Variants in ABCC2 observed in about 807,000 individuals in gnomAD.
The protein encoded by ABCC2 is ATP-binding cassette sub-family C member 2.
ABCC2 carries 157 observed loss-of-function variants against 173.4 expected under a neutral mutation model. The ratio of observed to expected loss-of-function variants is 0.91; its 90% CI spans 0.80 to 1.03. The LOEUF (loss-of-function observed/expected upper bound fraction) is 1.03, where lower values mean the gene tolerates loss of function less well. Among genes scored for constraint, ABCC2 ranks in the 50% least tolerant of loss-of-function variants. The probability of loss-of-function intolerance (pLI) is 0.00; values close to 1 mark genes in which losing one functional copy is unlikely to be tolerated. For missense variants in ABCC2, 1,822 were observed against 1,852.3 expected (o/e 0.98, Z 0.30); for synonymous variants, 657 against 693.5 (o/e 0.95, Z 0.83).
At chr10:99,850,977 A>T (rs1371054940) in intron 31 of ABCC2, among the ~76,000 whole-genome samples, 181 bp downstream of exon 31, 3 of 152,242 alleles carry the variant, frequency 2.0e-5, no homozygotes, top group African/African-American at 7.2e-5. Context: ...AATGAAAACG[A>T]ACAAGGTTAA....
intron 5 of ABCC2, 93 bp from the exon 6 acceptor site, chr10:99,794,320 A>C: frequency 6.7e-6 from 8 of 1,190,310 alleles, no homozygotes; most frequent in Non-Finnish European, 8.7e-6. Context: ...CTAGCACAAC[A>C]TTATATCATT....
At chr10:99,814,088 T>TAC (rs113348442) in intron 16 of ABCC2, among the ~76,000 whole-genome samples, 21,109 of 96,374 alleles carry the variant, frequency 0.22, 4,292 homozygotes, top group Middle Eastern at 0.38. Context: ...TATGTGTATA[T>TAC]ACACATATAT....
In ABCC2 at chr10:99,793,958, C is replaced by G; in HGVS notation, c.535C>G (p.Leu179Val). 1.2e-6 allele frequency: 2 copies of G among 1,613,694 alleles called. No homozygotes were observed. The highest frequency in any genetic ancestry group is 1.7e-6 in the Non-Finnish European group (2 of 1,179,780). Residue 179 changes from leucine to valine, a missense_variant, in exon 5 of 32, where the codon CTG (leucine) becomes GTG (valine). Coordinates refer to ENST00000647814, the MANE Select transcript of ABCC2 (RefSeq NM_000392.5). ...FISYGFQILI[L>V]IFSAFSENNE... ...CTCCTACGGATTCCAGATCCTGATC[C>G]TGATCTTTTCAGCATTTTCAGAAAA...
Position 99,814,620 on chromosome 10 carries a change from T to TACACACACATATATGTGTATATACAC in ABCC2, c.2094+1477_2094+1478insCACACACATATATGTGTATATACACA, listed in dbSNP as rs1243887576. Reference sequence around the variant, plus strand: ...ACACACACATATGTGTATATACACATATACACACATATGTGTATATACACA... The same window carrying TACACACACATATATGTGTATATACAC: ...ACACACACATATGTGTATATACACATACACACACATATATGTGTATATACACATACACACATATGTGTATATACACA... On this transcript the variant is annotated intron_variant, in intron 16 of 31. Coordinates refer to ENST00000647814, the MANE Select transcript of ABCC2 (RefSeq NM_000392.5). 2.0e-5 allele frequency among the ~76,000 whole-genome samples: 2 copies of TACACACACATATATGTGTATATACAC among 99,572 alleles called. 1 individual carries two copies. Among genetic ancestry groups the TACACACACATATATGTGTATATACAC allele is most frequent in the African/African-American group, 9.1e-5 (2 of 22,026 alleles). 65.3% of individuals were successfully genotyped at this position (99,572 alleles called of 152,430 possible). A position where few individuals can be genotyped will look rare whatever the true frequency, so the allele number is the denominator to read the frequency against.
At chr10:99,820,995 C>T (rs2038527005) in intron 19 of ABCC2, among the ~76,000 whole-genome samples, 1 of 152,092 alleles carries the variant, frequency 6.6e-6, no homozygotes, top group Non-Finnish European at 1.5e-5. Flanking sequence ...ATTGATCATT[C>T]GTGGGTGTTT....
In ABCC2 at chr10:99,846,961, G is replaced by A; in HGVS notation, c.4147G>A (p.Asp1383Asn). 6.2e-7 allele frequency: 1 copy of A among 1,614,098 alleles called. No homozygotes were observed. Among genetic ancestry groups the A allele is most frequent in the Non-Finnish European group, 8.5e-7 (1 of 1,180,010 alleles). The change falls in exon 30 of 32, where the codon GAC (aspartate) becomes AAC (asparagine). Residue 1383 changes from aspartate (D) to asparagine (N), a missense_variant and splice_region_variant. Physicochemically the swap from Asp to Asn is conservative, Grantham distance 23. Transcript: ENST00000647814. ...LREKLTIIPQ[D>N]PILFSGSLRM... is the part of the protein sequence containing the mutation. ...AGCCCCCTTGTCCTTTCACTTGCAG[G>A]ACCCCATCCTGTTCTCTGGAAGCCT... is the stretch of plus-strand genomic sequence containing the variant.
At chr10:99,801,577 AT>A (rs1292464402) in intron 9 of ABCC2, among the ~76,000 whole-genome samples, 2 of 152,192 alleles carry the variant, frequency 1.3e-5, no homozygotes, top group Admixed American at 1.3e-4. Context: ...AGGAAACTGT[AT>A]GTTCCTCATG....
At chr10:99,833,539 A>T (rs531480813) in intron 23 of ABCC2, among the ~76,000 whole-genome samples, 1 of 152,152 alleles carries the variant, frequency 6.6e-6, no homozygotes, top group African/African-American at 2.4e-5. Context: ...TGGAGGAAGG[A>T]AAGATGGAGA....
At chr10:99,827,877 G>T (rs578143003) in intron 19 of ABCC2, among the ~76,000 whole-genome samples, 187 of 140,772 alleles carry the variant, frequency 1.3e-3, no homozygotes, top group African/African-American at 4.6e-3. Context: ...ATATGTACTC[G>T]GGATCTCTCG....
At chr10:99,814,697 A>G (rs560509370) in intron 16 of ABCC2, among the ~76,000 whole-genome samples, 5 of 141,670 alleles carry the variant, frequency 3.5e-5, no homozygotes, top group East Asian at 2.1e-4. Context: ...GTATATACAC[A>G]TATATGTGTA....
At chr10:99,846,830 A>G in intron 29 of ABCC2, 131 bp from the exon 30 acceptor site, 1 of 1,292,930 alleles carries the variant, frequency 7.7e-7, no homozygotes, top group Non-Finnish European at 1.1e-6. Flanking sequence ...GCGGAAGCTC[A>G]ACCACAAACC....
At position 99,819,157 on chromosome 10, in the gene ABCC2, T is replaced by G. The variant is rs781760876; in HGVS notation, c.2508T>G (p.Asn836Lys). Residue 836 changes from asparagine to lysine, a missense_variant, in exon 19 of 32, where the codon AAT becomes AAG. Transcript: ENST00000647814. ...TGGATGAGATTGTAGTTCTGGGGAA[T>G]GGAACAATTGTAGAGAAAGGATCCT... ...PQVDEIVVLG[N>K]GTIVEKGSYS... is the part of the protein sequence containing the mutation. 2.5e-6 allele frequency: 4 copies of G among 1,614,158 alleles called. No individual in the cohort carries two copies. The South Asian group carries it at 4.4e-5, about 18-fold the overall frequency.
intron 16 of ABCC2, among the ~76,000 whole-genome samples, chr10:99,814,623 A>ACG (rs1491283572): frequency 1.1e-4 from 2 of 18,652 alleles, no homozygotes; most frequent in Admixed American, 4.5e-4. Context: ...ATACACATAT[A>ACG]CACACATATG....
At chr10:99,799,438 A>G (rs1021504487) in intron 8 of ABCC2, 68 bp downstream of exon 8, 20 of 1,548,588 alleles carry the variant, frequency 1.3e-5, no homozygotes, top group African/African-American at 1.1e-4. Context: ...GCCACTGTGT[A>G]TGCAAGCAGG....
intron 25 of ABCC2, among the ~76,000 whole-genome samples, chr10:99,838,924 CA>C: frequency 2.6e-5 from 1 of 38,782 alleles, no homozygotes; most frequent in Non-Finnish European, 5.5e-5. Flanking sequence ...AGGCGCCCCT[CA>C]CCTCCCGGAC....
intron 30 of ABCC2, among the ~76,000 whole-genome samples, chr10:99,847,620 C>G (rs1394940870): frequency 7.2e-6 from 1 of 139,414 alleles, no homozygotes; most frequent in African/African-American, 2.7e-5. Flanking sequence ...AAAATCAACT[C>G]TTGAAAACCT....
chr10:99,794,483 A>G lies in ABCC2; in HGVS notation c.632+15A>G. The G allele has an allele frequency of 6.2e-7, 1 of 1,606,988 alleles. No individual in the cohort carries two copies. The highest frequency in any genetic ancestry group is 8.5e-7 in the Non-Finnish European group (1 of 1,173,572). ...TGGTATGACAGGTAGGAAAGCCTGGAGTATGGATTGGCTGTATCCTTACTC... is the reference window on the plus strand; with the variant it reads ...TGGTATGACAGGTAGGAAAGCCTGGGGTATGGATTGGCTGTATCCTTACTC... On this transcript the variant is annotated intron_variant, in intron 6 of 31. Coordinates refer to ENST00000647814, the MANE Select transcript of ABCC2 (RefSeq NM_000392.5).
At chr10:99,828,084 G>A (rs555292414) in intron 19 of ABCC2, among the ~76,000 whole-genome samples, 11 of 149,554 alleles carry the variant, frequency 7.4e-5, no homozygotes, top group South Asian at 2.2e-4. Context: ...CATGGTTACC[G>A]TAAGAAAATT....
rs149593061 is a variant in ABCC2, at chr10:99,807,455, G to A, written c.1602G>A (p.Lys534=). ...QVQNLRKKEL[K]NLLAFSQLQC... The stretch of plus-strand genomic sequence containing the variant: ...AAAACCTCCGGAAGAAAGAGCTCAA[G>A]AACCTGCTGGCCTTTAGTCAACTAC... The change falls in exon 12 of 32, where the codon AAG becomes AAA. Residue 534 remains lysine, a synonymous_variant. Transcript: ENST00000647814. 6.2e-7 allele frequency: 1 copy of A among 1,614,114 alleles called. No individual in the cohort carries two copies. Among genetic ancestry groups the A allele is most frequent in the Admixed American group, 1.7e-5 (1 of 60,018 alleles).
Sources: allele counts gnomAD v4.1 joint callset (sites outside exome capture counted in the v4.1 genomes callset), GRCh38; gene constraint gnomAD v4.1.1; transcripts MANE v1.5; gene names NCBI Gene and HGNC (gene_info 2026-07-23, HGNC 2026-07-21).